MANBAL: variants seen among roughly 807,000 people sequenced by gnomAD.
MANBAL encodes protein MANBAL.
A neutral mutation model predicts 6.4 loss-of-function variants in MANBAL; 1 was observed. The observed-to-expected ratio is 0.16, with a 90% CI of 0.06 to 0.74. The LOEUF (loss-of-function observed/expected upper bound fraction) is 0.74. Ranked by LOEUF, MANBAL falls within the 30% of genes least tolerant of loss-of-function variation. The pLI, the probability that MANBAL is intolerant of heterozygous loss-of-function variation, is 0.78. For synonymous variants in MANBAL, 47 were observed against 45.8 expected (o/e 1.03, Z -0.10); for missense variants, 100 against 107.8 (o/e 0.93, Z 0.32).
At chr20:37,296,452 A>G (rs979330095) in intron 1 of MANBAL, among the ~76,000 whole-genome samples, 5 of 152,150 alleles carry the variant, frequency 3.3e-5, no homozygotes, top group African/African-American at 4.8e-5. Context: ...TGTTTATACA[A>G]TTGCTTATTT....
At chr20:37,306,419 C>T (rs2069259692) in intron 2 of MANBAL, among the ~76,000 whole-genome samples, 1 of 152,170 alleles carries the variant, frequency 6.6e-6, no homozygotes. Flanking sequence ...AGAGGGAACA[C>T]ATACAAATGC....
intron 2 of MANBAL, among the ~76,000 whole-genome samples, chr20:37,305,676 T>C (rs1471354731): frequency 6.6e-6 from 1 of 151,288 alleles, no homozygotes; most frequent in East Asian, 1.9e-4. Context: ...CTTACTGTTT[T>C]AACTTTTTTT....
chr20:37,293,844 G>A (rs1010389196), intron 1 of MANBAL, among the ~76,000 whole-genome samples: 2 of 152,172 alleles, frequency 1.3e-5, no homozygotes, highest in African/African-American at 4.8e-5. Flanking sequence ...AGTTACTTAG[G>A]TCAGCACCCT....
intron 1 of MANBAL, among the ~76,000 whole-genome samples, chr20:37,291,250 A>G (rs1471450476): frequency 2.0e-5 from 3 of 152,238 alleles, no homozygotes; most frequent in Non-Finnish European, 4.4e-5. Context: ...GTGAGTGCCC[A>G]TATAGCCCAC....
chr20:37,295,841 A>G (rs751239820), intron 1 of MANBAL, among the ~76,000 whole-genome samples: 1 of 152,230 alleles, frequency 6.6e-6, no homozygotes. Context: ...AACCTGTCAC[A>G]GCCAGTCGAA....
At chr20:37,295,381 A>G (rs1282444816) in intron 1 of MANBAL, among the ~76,000 whole-genome samples, 13 of 152,246 alleles carry the variant, frequency 8.5e-5, no homozygotes, top group Admixed American at 8.5e-4. Flanking sequence ...GATCCAGCAC[A>G]TGCATGCTCA....
chr20:37,314,799 T>C lies in MANBAL; in HGVS notation c.151-1509T>C, dbSNP rs565426709. On this transcript the variant is annotated intron_variant, in intron 2 of 2. Transcript: ENST00000373606. ...ACGATGTTGGCCGATAGGAGGGAGC[T>C]GACAGGCCTCTGGATCAGATCCGAG... Among the ~76,000 whole-genome samples, 12 of 152,274 alleles carry C rather than the reference T, an allele frequency of 7.9e-5. 1 individual carries two copies. The South Asian group carries it at 2.5e-3, about 32-fold the overall frequency.
intron 1 of MANBAL, among the ~76,000 whole-genome samples, chr20:37,292,280 A>G (rs1164726682): frequency 6.6e-6 from 1 of 152,090 alleles, no homozygotes; most frequent in East Asian, 1.9e-4. Context: ...ACAGAGTCAT[A>G]TATTTGTATC....
chr20:37,302,785 A>G (rs906642960), intron 2 of MANBAL, among the ~76,000 whole-genome samples: 1 of 150,216 alleles, frequency 6.7e-6, no homozygotes, highest in African/African-American at 2.4e-5. Flanking sequence ...TTTTGAGGGC[A>G]CTTATCTGCC....
intron 2 of MANBAL, among the ~76,000 whole-genome samples, chr20:37,303,970 A>G (rs1170127680): frequency 1.3e-5 from 2 of 152,232 alleles, no homozygotes; most frequent in Non-Finnish European, 2.9e-5. Flanking sequence ...CTGGAATCCA[A>G]GTTCCCAGAT....
intron 2 of MANBAL, among the ~76,000 whole-genome samples, chr20:37,311,319 C>T (rs2069382361): frequency 6.6e-6 from 1 of 152,162 alleles, no homozygotes. Context: ...GGCTGCACGA[C>T]GGGGCCTGCC....
At chr20:37,306,496 T>G (rs1003635788) in intron 2 of MANBAL, among the ~76,000 whole-genome samples, 3 of 152,080 alleles carry the variant, frequency 2.0e-5, no homozygotes, top group Non-Finnish European at 1.5e-5. Flanking sequence ...AAAAACCAAG[T>G]CCCTAGAATC....
At chr20:37,309,229 C>CA (rs1197876413) in intron 2 of MANBAL, among the ~76,000 whole-genome samples, 1 of 152,156 alleles carries the variant, frequency 6.6e-6, no homozygotes, top group Admixed American at 6.5e-5. Flanking sequence ...AAGATGGCTG[C>CA]AGCAGCCACA....
intron 2 of MANBAL, among the ~76,000 whole-genome samples, chr20:37,303,992 G>A (rs2069201317): frequency 6.6e-6 from 1 of 152,164 alleles, no homozygotes. Flanking sequence ...CCAGTCAAGG[G>A]CCAACCTTGC....
intron 1 of MANBAL, among the ~76,000 whole-genome samples, chr20:37,289,946 C>T (rs183126155): frequency 6.6e-6 from 1 of 152,366 alleles, no homozygotes; most frequent in African/African-American, 2.4e-5. Flanking sequence ...GAACCCAGGG[C>T]TCCTCATGGC....
At chr20:37,316,122 ATTC>A (rs1273064315) in intron 2 of MANBAL, among the ~76,000 whole-genome samples, 183 bp from the exon 3 acceptor site, 1 of 152,168 alleles carries the variant, frequency 6.6e-6, no homozygotes, top group Non-Finnish European at 1.5e-5. Context: ...GGCTTCCTTT[ATTC>A]TTCACTGAGA....
chr20:37,311,448 ATTG>A (rs942130672), intron 2 of MANBAL, among the ~76,000 whole-genome samples: 25 of 152,080 alleles, frequency 1.6e-4, no homozygotes, highest in African/African-American at 5.8e-4. Context: ...CACGATTGGG[ATTG>A]TTGTTGTCAT....
intron 2 of MANBAL, among the ~76,000 whole-genome samples, chr20:37,307,856 C>T (rs930320971): frequency 6.6e-6 from 1 of 152,038 alleles, no homozygotes. Context: ...CCAGGAAAGA[C>T]GTGAACTTGG....
At chr20:37,298,463 A>G (rs1190464188) in intron 1 of MANBAL, among the ~76,000 whole-genome samples, 4 of 152,118 alleles carry the variant, frequency 2.6e-5, no homozygotes, top group African/African-American at 9.7e-5. Flanking sequence ...TATTCCAGGT[A>G]CCTCATATAA....
Sources: allele counts gnomAD v4.1 joint callset (sites outside exome capture counted in the v4.1 genomes callset), GRCh38; gene constraint gnomAD v4.1.1; transcripts MANE v1.5; gene names NCBI Gene and HGNC (gene_info 2026-07-23, HGNC 2026-07-21).